Variants in NKAIN2 observed in about 807,000 individuals in gnomAD.
NKAIN2 encodes the protein sodium/potassium-transporting ATPase subunit beta-1-interacting protein 2.
NKAIN2 carries 14 observed loss-of-function variants against 32.6 expected under a neutral mutation model. The ratio of observed to expected loss-of-function variants is 0.43; its 90% confidence interval spans 0.28 to 0.67. NKAIN2 has a LOEUF of 0.67. NKAIN2 is among the 30% of genes least tolerant of loss of function. The pLI is 0.17. For missense variants in NKAIN2, 198 were observed against 258.3 expected (o/e 0.77, Z 1.60); for synonymous variants, 80 against 87.2 (o/e 0.92, Z 0.46).
chr6:124,171,905 G>A (rs1254878969), intron 1 of NKAIN2, among the ~76,000 whole-genome samples: 1 of 141,222 alleles, frequency 7.1e-6, no homozygotes, highest in Non-Finnish European at 1.5e-5. Context: ...GGAGTACAAT[G>A]GCATGATCTC....
chr6:124,693,038 G>A (rs1447959781), intron 4 of NKAIN2, among the ~76,000 whole-genome samples: 2 of 152,126 alleles, frequency 1.3e-5, no homozygotes, highest in African/African-American at 2.4e-5. Flanking sequence ...TATTTACACT[G>A]AACTTCTATC....
At position 124,197,673 on chromosome 6, in the gene NKAIN2, G is replaced by A. The variant is rs966249378; in HGVS notation, c.55-85332G>A. 2.0e-5 allele frequency among the ~76,000 whole-genome samples: 3 copies of A among 151,890 alleles called. No individual in the cohort carries two copies. In the East Asian group the frequency reaches 5.8e-4, roughly 29 times the overall value. On this transcript the variant is annotated intron_variant, in intron 1 of 6. Coordinates refer to ENST00000368417, the MANE Select transcript of NKAIN2 (RefSeq NM_001040214.3). ...TTACTCATTTGGACAATGAATACAG[G>A]AATATAAACATCACTGCAGTCAAGA...
chr6:124,252,234 T>C (rs1037779281), intron 1 of NKAIN2, among the ~76,000 whole-genome samples: 4 of 151,986 alleles, frequency 2.6e-5, no homozygotes, highest in Admixed American at 6.6e-5. Context: ...TCATTGAAAA[T>C]TGATGAAAAA....
chr6:124,592,655 T>G (rs1246088140), intron 3 of NKAIN2, among the ~76,000 whole-genome samples: 1 of 152,218 alleles, frequency 6.6e-6, no homozygotes, highest in East Asian at 1.9e-4. Flanking sequence ...AAAGTATTTA[T>G]TCATCAACAT....
At chr6:123,966,657 A>G (rs1421675049) in intron 1 of NKAIN2, among the ~76,000 whole-genome samples, 1 of 152,212 alleles carries the variant, frequency 6.6e-6, no homozygotes, top group Non-Finnish European at 1.5e-5. Context: ...CAAAGAAGCA[A>G]GATGCCACAG....
chr6:123,848,326 T>C (rs986110631), intron 1 of NKAIN2, among the ~76,000 whole-genome samples: 1 of 152,152 alleles, frequency 6.6e-6, no homozygotes, highest in Non-Finnish European at 1.5e-5. Context: ...CTACCTGATA[T>C]GGTTTAGCTG....
Position 124,041,633 on chromosome 6 carries a change from G to C in NKAIN2, c.54+237379G>C, listed in dbSNP as rs367585197. Among the ~76,000 whole-genome samples, 23 of 152,012 alleles carry C rather than the reference G, an allele frequency of 1.5e-4. No homozygotes were observed. The East Asian group carries it at 3.5e-3, about 23-fold the overall frequency. ...TTTATTTTACTACTGTTTTGCTGTA[G>C]TTACACTGAATAACATAAAATAACA... On this transcript the variant is annotated intron_variant, in intron 1 of 6. Coordinates refer to ENST00000368417, the MANE Select transcript of NKAIN2 (RefSeq NM_001040214.3).
At position 124,094,290 on chromosome 6, in the gene NKAIN2, T is replaced by A. The variant is rs534239414; in HGVS notation, c.55-188715T>A. Among the ~76,000 whole-genome samples the A allele has an allele frequency of 1.3e-4, 20 of 152,146 alleles. No individual in the cohort carries two copies. The East Asian group carries it at 3.9e-3, about 29-fold the overall frequency. ...TCATTTCCTCATATAGAAAAAATGA[T>A]TATTTGAGTATCAGAGCCTTATCTT... On this transcript the variant is annotated intron_variant, in intron 1 of 6. Coordinates refer to ENST00000368417, the MANE Select transcript of NKAIN2 (RefSeq NM_001040214.3).
chr6:124,345,873 T>C (rs1036994010), intron 2 of NKAIN2, among the ~76,000 whole-genome samples: 2 of 152,252 alleles, frequency 1.3e-5, no homozygotes, highest in African/African-American at 4.8e-5. Flanking sequence ...TGCCTTCTGC[T>C]AGCTTTTGAA....
chr6:124,124,577 A>G (rs1226320478), intron 1 of NKAIN2, among the ~76,000 whole-genome samples: 1 of 152,208 alleles, frequency 6.6e-6, no homozygotes, highest in Non-Finnish European at 1.5e-5. Context: ...AAAACTGTGA[A>G]TTTTGAAAGA....
At chr6:124,425,019 A>G (rs974831229) in intron 3 of NKAIN2, among the ~76,000 whole-genome samples, 2 of 152,150 alleles carry the variant, frequency 1.3e-5, no homozygotes, top group Admixed American at 6.5e-5. Flanking sequence ...TAACATTCCC[A>G]GAGTAGAGAG....
chr6:124,297,207 G>C (rs1267181566), intron 2 of NKAIN2, among the ~76,000 whole-genome samples: 1 of 152,078 alleles, frequency 6.6e-6, no homozygotes, highest in Non-Finnish European at 1.5e-5. Flanking sequence ...TATAAGTTTT[G>C]ACTCCCCCAA....
At chr6:123,985,940 A>T (rs957808314) in intron 1 of NKAIN2, among the ~76,000 whole-genome samples, 1 of 152,198 alleles carries the variant, frequency 6.6e-6, no homozygotes, top group Non-Finnish European at 1.5e-5. Flanking sequence ...AAGAACTGAA[A>T]AAGTTAGGTA....
chr6:124,790,229 TA>T (rs1779686755), intron 4 of NKAIN2, among the ~76,000 whole-genome samples: 1 of 152,244 alleles, frequency 6.6e-6, no homozygotes, highest in African/African-American at 2.4e-5. Flanking sequence ...CTGTGCTCAT[TA>T]AATACCTATT....
chr6:124,769,577 T>C (rs1778660483), intron 4 of NKAIN2, among the ~76,000 whole-genome samples: 1 of 152,168 alleles, frequency 6.6e-6, no homozygotes, highest in Admixed American at 6.6e-5. Context: ...CTCAGAATTC[T>C]CCATGTCTCC....
At chr6:124,056,945 C>G (rs1314148964) in intron 1 of NKAIN2, among the ~76,000 whole-genome samples, 2 of 151,678 alleles carry the variant, frequency 1.3e-5, no homozygotes, top group Non-Finnish European at 2.9e-5. Context: ...CTTTGTCTGC[C>G]CAAGGGAAAT....
intron 1 of NKAIN2, among the ~76,000 whole-genome samples, chr6:123,815,722 T>A (rs1307511877): frequency 6.6e-6 from 1 of 152,152 alleles, no homozygotes; most frequent in Non-Finnish European, 1.5e-5. Context: ...TTCAGTTATT[T>A]TGAGCTCAGG....
At chr6:124,524,367 A>C (rs995152340) in intron 3 of NKAIN2, among the ~76,000 whole-genome samples, 3 of 152,200 alleles carry the variant, frequency 2.0e-5, no homozygotes, top group African/African-American at 7.2e-5. Context: ...AAATATGCTG[A>C]ATATATAGTT....
chr6:124,264,090 G>A (rs2114852587), intron 1 of NKAIN2, among the ~76,000 whole-genome samples: 1 of 152,218 alleles, frequency 6.6e-6, no homozygotes, highest in East Asian at 1.9e-4. Flanking sequence ...ATGGGTTTAA[G>A]GCATCACAAT....
Sources: allele counts gnomAD v4.1 joint callset (sites outside exome capture counted in the v4.1 genomes callset), GRCh38; gene constraint gnomAD v4.1.1; transcripts MANE v1.5; gene names NCBI Gene and HGNC (gene_info 2026-07-23, HGNC 2026-07-21).